The following DHX9 variants were observed in gnomAD, a reference collection of about 807,000 sequenced individuals.
The protein encoded by DHX9 is ATP-dependent RNA helicase A.
A neutral mutation model predicts 148.7 loss-of-function variants in DHX9; 27 were observed. That is an observed-to-expected ratio of 0.18 (90% CI 0.13 to 0.25). The LOEUF (loss-of-function observed/expected upper bound fraction) is 0.25, where lower values mean the gene tolerates loss of function less well. DHX9 is among the 10% of genes least tolerant of loss of function. The pLI is 1.00. For synonymous variants in DHX9, 529 were observed against 516.6 expected (o/e 1.02, Z -0.33); for missense variants, 796 against 1,559.6 (o/e 0.51, Z 8.25).
intron 22 of DHX9, among the ~76,000 whole-genome samples, chr1:182,881,005 T>C (rs1228941490): frequency 6.6e-6 from 1 of 152,160 alleles, no homozygotes; most frequent in African/African-American, 2.4e-5. Context: ...TTTGGTATGA[T>C]GGGGAAGAGA....
Position 182,852,337 on chromosome 1 carries a change from C to G in DHX9, c.357C>G (p.Leu119=). The change falls in exon 4 of 28, where the codon CTC becomes CTG. Residue 119 remains leucine, a synonymous_variant. Coordinates refer to ENST00000367549, the MANE Select transcript of DHX9 (RefSeq NM_001357.5). ...MGGPLPPHLA[L]KAENNSEVGA... is the part of the protein sequence containing the mutation. Reference sequence around the variant, plus strand: ...GACCTCTTCCTCCACATCTGGCTCTCAAAGCAGGTAAGGGACTTGAATCCA... The same window carrying G: ...GACCTCTTCCTCCACATCTGGCTCTGAAAGCAGGTAAGGGACTTGAATCCA... 6.2e-7 allele frequency: 1 copy of G among 1,608,888 alleles called. No homozygotes were observed. The highest frequency in any genetic ancestry group is 8.5e-7 in the Non-Finnish European group (1 of 1,177,202).
At chr1:182,869,811 C>G (rs1648483104) in intron 14 of DHX9, among the ~76,000 whole-genome samples, 1 of 152,210 alleles carries the variant, frequency 6.6e-6, no homozygotes, top group African/African-American at 2.4e-5. Context: ...GTTGGCCGAA[C>G]TGGTCTCAAA....
chr1:182,841,665 T>A (rs927077346), intron 1 of DHX9, among the ~76,000 whole-genome samples: 1 of 152,240 alleles, frequency 6.6e-6, no homozygotes, highest in Non-Finnish European at 1.5e-5. Context: ...AAGCAGACGG[T>A]TTAATGCTGG....
At chr1:182,860,941 T>G (rs1668351797) in intron 12 of DHX9, among the ~76,000 whole-genome samples, 1 of 152,234 alleles carries the variant, frequency 6.6e-6, no homozygotes. Flanking sequence ...TGAGGTAGGC[T>G]TACATCTTGA....
intron 13 of DHX9, among the ~76,000 whole-genome samples, 184 bp downstream of exon 13, chr1:182,866,769 G>C (rs1313214863): frequency 6.6e-6 from 1 of 152,064 alleles, no homozygotes; most frequent in Non-Finnish European, 1.5e-5. Flanking sequence ...TTGTAGCTTA[G>C]AGAAAATGAA....
chr1:182,882,460 T>A (rs1353632328), intron 24 of DHX9, among the ~76,000 whole-genome samples: 1 of 152,194 alleles, frequency 6.6e-6, no homozygotes, highest in Non-Finnish European at 1.5e-5. Context: ...TCTTAGATTA[T>A]CTCCATCTTC....
chr1:182,887,716 T>C lies in DHX9; in HGVS notation c.*282T>C, dbSNP rs1171899896. 5.8e-6 allele frequency: 2 copies of C among 345,456 alleles called. No individual in the cohort carries two copies. Among genetic ancestry groups the C allele is most frequent in the African/African-American group, 4.1e-5 (2 of 48,726 alleles). The allele number at this position is 345,456 out of a possible 1,614,324, so 21.4% of individuals were successfully genotyped here. On this transcript the variant is annotated 3_prime_UTR_variant, in exon 28 of 28. Coordinates refer to ENST00000367549, the MANE Select transcript of DHX9 (RefSeq NM_001357.5). ...TAACTTGGTATTTTCCTGGCTTTCG[T>C]TTAATACAATAGAAAATAAAGTATT...
intron 3 of DHX9, 114 bp downstream of exon 3, chr1:182,843,548 G>A (rs1227811984): frequency 1.9e-5 from 21 of 1,129,732 alleles, no homozygotes; most frequent in Admixed American, 9.0e-5. Flanking sequence ...ATCGTGTTTC[G>A]TAATGAAATT....
intron 12 of DHX9, among the ~76,000 whole-genome samples, chr1:182,865,496 C>T (rs972995316): frequency 6.6e-6 from 1 of 152,122 alleles, no homozygotes; most frequent in African/African-American, 2.4e-5. Context: ...AAATCCTTAT[C>T]CATTGCTAAA....
chr1:182,854,376 G>A (rs1304473427), intron 6 of DHX9, among the ~76,000 whole-genome samples, 198 bp downstream of exon 6: 1 of 152,190 alleles, frequency 6.6e-6, no homozygotes, highest in Non-Finnish European at 1.5e-5. Context: ...GTGAATTTTA[G>A]CTGTGTAAGA....
chr1:182,864,047 C>A (rs533851284), intron 12 of DHX9, among the ~76,000 whole-genome samples: 3 of 152,054 alleles, frequency 2.0e-5, no homozygotes, highest in Non-Finnish European at 4.4e-5. Flanking sequence ...CAGGGTAGTC[C>A]CAGGTACTTT....
chr1:182,879,111 T>G, intron 20 of DHX9, 139 bp from the exon 21 acceptor site: 1 of 643,988 alleles, frequency 1.6e-6, no homozygotes, highest in East Asian at 2.9e-5. Context: ...TAGTGAACGA[T>G]AAAAGGTCCG....
intron 11 of DHX9, among the ~76,000 whole-genome samples, chr1:182,859,660 T>C (rs1417269367): frequency 6.6e-6 from 1 of 152,230 alleles, no homozygotes; most frequent in African/African-American, 2.4e-5. Flanking sequence ...TTGCCCAGGC[T>C]GGAGTACAGT....
At chr1:182,872,922 G>A (rs1345094561) in intron 15 of DHX9, among the ~76,000 whole-genome samples, 1 of 152,072 alleles carries the variant, frequency 6.6e-6, no homozygotes, top group African/African-American at 2.4e-5. Flanking sequence ...GTGTATCAAG[G>A]TTATGTATTT....
chr1:182,879,483 T>TA (rs2102618201), intron 21 of DHX9, 73 bp downstream of exon 21: 4 of 1,295,914 alleles, frequency 3.1e-6, no homozygotes, highest in East Asian at 5.2e-5. Flanking sequence ...AGATAACACT[T>TA]ACAAATGAAT....
intron 26 of DHX9, 131 bp from the exon 27 acceptor site, chr1:182,884,482 G>GTTT: frequency 1.5e-6 from 1 of 645,610 alleles, no homozygotes; most frequent in Non-Finnish European, 2.4e-6. Context: ...ATTATAAGTA[G>GTTT]TTTTTTTTTT....
rs961303822 is a variant in DHX9 at position 182,884,903 on chromosome 1, A to G, written c.3461+90A>G. ...TCCTGAAGTTAGTGATAGAAGCCCT[A>G]TTACTTAAGTAAAATTCTAGATATA... On this transcript the variant is annotated intron_variant, in intron 27 of 27. Coordinates refer to ENST00000367549, the MANE Select transcript of DHX9 (RefSeq NM_001357.5). 2.4e-5 allele frequency: 30 copies of G among 1,230,786 alleles called. No homozygotes were observed. The East Asian group carries it at 7.0e-4, about 29-fold the overall frequency. 76.2% of individuals were successfully genotyped at this position (1,230,786 alleles called of 1,614,324 possible).
At position 182,887,745 on chromosome 1, in the gene DHX9, C is replaced by T. The variant is rs1475479681; in HGVS notation, c.*311C>T. 4 of 262,164 alleles carry T rather than the reference C, an allele frequency of 1.5e-5. No homozygotes were observed. The highest frequency in any genetic ancestry group is 2.9e-5 in the Non-Finnish European group (4 of 135,722). The allele number at this position is 262,164 out of a possible 1,614,324, so 16.2% of individuals were successfully genotyped here. A position where few individuals can be genotyped will look rare whatever the true frequency, so the allele number is the denominator to read the frequency against. ...ATACAATAGAAAATAAAGTATTACA[C>T]CGAATACTTGCCGTGTAGTTTGTTT... is the stretch of plus-strand genomic sequence containing the variant. On this transcript the variant is annotated 3_prime_UTR_variant, in exon 28 of 28. Transcript: ENST00000367549.
intron 14 of DHX9, among the ~76,000 whole-genome samples, chr1:182,872,052 C>T (rs1430817423): frequency 7.9e-5 from 12 of 152,140 alleles, no homozygotes; most frequent in Non-Finnish European, 1.3e-4. Flanking sequence ...ATTATCTGCC[C>T]GCCTTGACCT....
Sources: allele counts gnomAD v4.1 joint callset (sites outside exome capture counted in the v4.1 genomes callset), GRCh38; gene constraint gnomAD v4.1.1; transcripts MANE v1.5; gene names NCBI Gene and HGNC (gene_info 2026-07-23, HGNC 2026-07-21).